ADGRL2: variants seen among roughly 807,000 people sequenced by gnomAD.
The protein encoded by ADGRL2 is calcium-independent alpha-latrotoxin receptor 2.
ADGRL2 carries 44 observed loss-of-function variants against 157.4 expected under a neutral mutation model. The ratio of observed to expected loss-of-function variants is 0.28; its 90% confidence interval spans 0.22 to 0.36. The LOEUF is 0.36. Among genes scored for constraint, ADGRL2 ranks in the 10% least tolerant of loss-of-function variants. The pLI is 1.00. For synonymous variants in ADGRL2, 585 were observed against 624.7 expected, an observed-to-expected ratio of 0.94 and a Z score of 0.95; for missense variants, 1,510 against 1,768.9, an observed-to-expected ratio of 0.85 and a Z score of 2.63.
intron 3 of ADGRL2, among the ~76,000 whole-genome samples, chr1:81,682,869 C>T (rs777369072): frequency 9.2e-5 from 14 of 152,178 alleles, no homozygotes; most frequent in South Asian, 2.1e-4. Flanking sequence ...CAGTGGCTCA[C>T]GCCTGTAATC....
In ADGRL2 at chr1:81,985,259, A is replaced by G; in HGVS notation, c.3412A>G (p.Ser1138Gly). Residue 1138 changes from serine (S) to glycine (G), a missense_variant and splice_region_variant, in exon 21 of 24, where the codon AGT becomes GGT. By Grantham distance (56) the Ser-to-Gly change is moderately conservative. Around this residue, in one of 4 missense-constraint regions of ADGRL2, gnomAD observed 497 missense variants for 627.2 expected, o/e 0.79. Coordinates refer to ENST00000686636, the MANE Select transcript of ADGRL2 (RefSeq NM_001366006.2). ...TSARYSSGTQ[S>G]RIRRMWNDTV... The stretch of plus-strand genomic sequence containing the variant: ...TTGTCTTGCTGTTTTGTATTAATAG[A>G]GTCGTATAAGAAGAATGTGGAATGA... 1 of 1,547,302 alleles carries G rather than the reference A, an allele frequency of 6.5e-7. No homozygotes were observed. Among genetic ancestry groups the G allele is most frequent in the Non-Finnish European group, 8.9e-7 (1 of 1,124,714 alleles).
At chr1:81,548,835 A>G (rs2080080074) in intron 2 of ADGRL2, among the ~76,000 whole-genome samples, 1 of 152,202 alleles carries the variant, frequency 6.6e-6, no homozygotes, top group Non-Finnish European at 1.5e-5. Flanking sequence ...ACTTGGAGTG[A>G]GCAAGATAAA....
At chr1:81,741,043 T>C (rs1343331554) in intron 1 of ADGRL2, among the ~76,000 whole-genome samples, 4 of 151,874 alleles carry the variant, frequency 2.6e-5, no homozygotes, top group Non-Finnish European at 5.9e-5. Context: ...TTCAGTATAC[T>C]GAATGGTCTT....
chr1:81,336,129 G>A (rs1661626649), intron 1 of ADGRL2, among the ~76,000 whole-genome samples: 1 of 152,142 alleles, frequency 6.6e-6, no homozygotes, highest in Non-Finnish European at 1.5e-5. Flanking sequence ...ACGTTCAGTG[G>A]CCTTGTCGGA....
rs1253534075 is a variant in ADGRL2 at position 81,801,032 on chromosome 1, T to TTGGCCA, written c.-136_-131dup. Among the ~76,000 whole-genome samples the TTGGCCA allele has an allele frequency of 2.0e-5, 3 of 151,236 alleles. No homozygotes were observed. Among genetic ancestry groups the TTGGCCA allele is most frequent in the African/African-American group, 7.3e-5 (3 of 41,350 alleles). On this transcript the variant is annotated 5_prime_UTR_variant, in exon 1 of 24. In the 5' UTR this introduces an upstream ATG that the reference lacks. Coordinates refer to ENST00000686636, the MANE Select transcript of ADGRL2 (RefSeq NM_001366006.2). ...GCCGGCCTGGTCCTCGGGCGGCTGCTTGGCCACCGCCACCGCCGTCCGAAG... is the reference window on the plus strand; with the variant it reads ...GCCGGCCTGGTCCTCGGGCGGCTGCTTGGCCATGGCCACCGCCACCGCCGTCCGAAG...
At position 81,724,996 on chromosome 1, in the gene ADGRL2, G is replaced by A. The variant is rs189165082; in HGVS notation, c.-143+25188G>A. The stretch of plus-strand genomic sequence containing the variant: ...CGAGGCAGGTGGATCACAAGGTCAG[G>A]AGTTTGAGACCAGCCTGGCCAACAT... On this transcript the variant is annotated intron_variant, in intron 1 of 20. Transcript: ENST00000359929. Among the ~76,000 whole-genome samples the A allele has an allele frequency of 2.5e-3, 384 of 151,978 alleles. 5 individuals carry two copies. Among genetic ancestry groups the A allele is most frequent in the East Asian group, 2.5e-3 (13 of 5,144 alleles).
intron 15 of ADGRL2, 33 bp from the exon 16 acceptor site, chr1:81,970,281 T>G: frequency 6.8e-7 from 1 of 1,461,702 alleles, no homozygotes. Flanking sequence ...TTCATGAGTT[T>G]TCTTTTGTGT....
chr1:81,723,035 A>G lies in ADGRL2; in HGVS notation c.-143+23227A>G, dbSNP rs879000581. The G allele has an allele frequency of 8.4e-5, 64 of 765,498 alleles. 1 individual carries two copies. In the South Asian group the frequency reaches 8.4e-4, roughly 10 times the overall value. The allele number at this position is 765,498 out of a possible 1,614,324, so 47.4% of individuals were successfully genotyped here. On this transcript the variant is annotated intron_variant, in intron 1 of 20. Transcript: ENST00000359929. ...CAGCAACCCAAAGGTTATGAATCTT[A>G]TCAGTAAATTGTCAGCCAATTGGGA...
At chr1:81,366,248 G>C (rs77849332) in intron 1 of ADGRL2, among the ~76,000 whole-genome samples, 1 of 151,358 alleles carries the variant, frequency 6.6e-6, no homozygotes, top group South Asian at 2.1e-4. Flanking sequence ...ATCACTTCAT[G>C]AGCTCTTCAC....
At chr1:81,530,642 C>G (rs766975934) in intron 2 of ADGRL2, among the ~76,000 whole-genome samples, 1 of 152,092 alleles carries the variant, frequency 6.6e-6, no homozygotes, top group Admixed American at 6.5e-5. Flanking sequence ...AGCCACCATG[C>G]CTGGCCTTGA....
rs368524173 is a variant in ADGRL2, at chr1:81,343,848, A to G, written c.-302+37339A>G. On this transcript the variant is annotated intron_variant, in intron 1 of 24. Transcript: ENST00000370721. Reference sequence around the variant, plus strand: ...CCTCGTCTGAACCTAATTACCTCTCAAAGTCCTCACCTCCTAATACCATAC... The same window carrying G: ...CCTCGTCTGAACCTAATTACCTCTCGAAGTCCTCACCTCCTAATACCATAC... Among the ~76,000 whole-genome samples, 11 of 152,290 alleles carry G rather than the reference A, an allele frequency of 7.2e-5. No individual in the cohort carries two copies. In the South Asian group the frequency reaches 1.9e-3, roughly 26 times the overall value.
intron 2 of ADGRL2, among the ~76,000 whole-genome samples, chr1:81,880,411 A>G (rs1005328894): frequency 3.9e-5 from 6 of 152,156 alleles, no homozygotes; most frequent in African/African-American, 1.4e-4. Flanking sequence ...TAAGATATTG[A>G]TGCAGGTTAT....
intron 2 of ADGRL2, among the ~76,000 whole-genome samples, chr1:81,899,072 A>G (rs2151584962): frequency 6.6e-6 from 1 of 152,304 alleles, no homozygotes; most frequent in South Asian, 2.1e-4. Flanking sequence ...ATTTAGTTCA[A>G]AGTAATTAAG....
chr1:81,480,374 T>C (rs1332943918), intron 2 of ADGRL2, among the ~76,000 whole-genome samples: 3 of 152,174 alleles, frequency 2.0e-5, no homozygotes, highest in Admixed American at 1.3e-4. Context: ...ACCAAAAATA[T>C]AGATGCCTAG....
chr1:81,910,465 T>C (rs925140854), intron 3 of ADGRL2, among the ~76,000 whole-genome samples: 2 of 151,786 alleles, frequency 1.3e-5, no homozygotes, highest in Non-Finnish European at 2.9e-5. Context: ...TTTTGTGTTT[T>C]AAAAATGGTG....
intron 3 of ADGRL2, among the ~76,000 whole-genome samples, chr1:81,693,639 A>AC (rs892254576): frequency 6.6e-6 from 1 of 152,218 alleles, no homozygotes; most frequent in African/African-American, 2.4e-5. Context: ...TCAGCATGAC[A>AC]CTGTGGATTC....
intron 3 of ADGRL2, among the ~76,000 whole-genome samples, chr1:81,599,333 CA>C (rs947896688): frequency 2.0e-5 from 3 of 152,088 alleles, no homozygotes; most frequent in African/African-American, 7.2e-5. Context: ...GGTTGGAGCC[CA>C]ATAAATGTTT....
chr1:81,852,887 A>T (rs2093065258), intron 2 of ADGRL2, among the ~76,000 whole-genome samples: 1 of 152,164 alleles, frequency 6.6e-6, no homozygotes, highest in South Asian at 2.1e-4. Flanking sequence ...AACTGTGCTT[A>T]AGAAAAATCT....
At chr1:81,568,664 A>T (rs972446261) in intron 2 of ADGRL2, among the ~76,000 whole-genome samples, 3 of 152,156 alleles carry the variant, frequency 2.0e-5, no homozygotes, top group Non-Finnish European at 4.4e-5. Context: ...AATCCCTTGG[A>T]TTAAAGAAGG....
Sources: allele counts gnomAD v4.1 joint callset (sites outside exome capture counted in the v4.1 genomes callset), GRCh38; gene constraint gnomAD v4.1.1; regional missense constraint gnomAD v4.1.1; transcripts MANE v1.5; gene names NCBI Gene and HGNC (gene_info 2026-07-23, HGNC 2026-07-21).